ITCH: variants seen among roughly 807,000 people sequenced by gnomAD.
ITCH encodes E3 ubiquitin-protein ligase Itchy homolog.
ITCH carries 28 observed loss-of-function variants against 126.8 expected under a neutral mutation model. The ratio of observed to expected loss-of-function variants is 0.22; its 90% CI spans 0.16 to 0.30. The LOEUF (loss-of-function observed/expected upper bound fraction) is 0.30, where lower values mean the gene tolerates loss of function less well. Among genes scored for constraint, ITCH ranks in the 10% least tolerant of loss-of-function variants. The pLI is 1.00. For synonymous variants in ITCH, 342 were observed against 340.0 expected (o/e 1.01, Z -0.06); for missense variants, 631 against 1,032.4 (o/e 0.61, Z 5.33).
intron 7 of ITCH, among the ~76,000 whole-genome samples, chr20:34,425,797 A>G (rs926012058): frequency 1.3e-5 from 2 of 152,220 alleles, no homozygotes; most frequent in Non-Finnish European, 2.9e-5. Context: ...TCGCCAAGAT[A>G]GTAAAAATAG....
chr20:34,471,563 G>A, intron 16 of ITCH, 48 bp downstream of exon 16: 5 of 1,178,882 alleles, frequency 4.2e-6, no homozygotes, highest in Non-Finnish European at 6.4e-6. Flanking sequence ...GCTAGCTTAG[G>A]ACCCGCTTTT....
chr20:34,506,129 A>G lies in ITCH; in HGVS notation c.2490-1566A>G, dbSNP rs557692441. ...ACCCAGGCTGGAGTGCTGTAGCTCA[A>G]TCTCCACTCATGCACCCTCCACCTC... On this transcript the variant is annotated intron_variant, in intron 24 of 24. Transcript: ENST00000374864. Among the ~76,000 whole-genome samples, 10 of 152,002 alleles carry G rather than the reference A, an allele frequency of 6.6e-5. No homozygotes were observed. In the South Asian group the frequency reaches 1.9e-3, roughly 28 times the overall value.
rs113887133 is a variant in ITCH at position 34,444,039 on chromosome 20, CTG to C, written c.966-1245_966-1244del. ...TAATACATACCCTTCATAATCCTCTCTGTGAAATTTATCCTAAAGAAACAATT... is the reference window on the plus strand; with the variant it reads ...TAATACATACCCTTCATAATCCTCTCTGAAATTTATCCTAAAGAAACAATT... On this transcript the variant is annotated intron_variant, in intron 10 of 24. Transcript: ENST00000374864. Among the ~76,000 whole-genome samples, 107 of 152,224 alleles carry C rather than the reference CTG, an allele frequency of 7.0e-4. 1 individual carries two copies. Among genetic ancestry groups the C allele is most frequent in the Non-Finnish European group, 1.0e-4 (7 of 68,020 alleles).
At chr20:34,498,135 AGTTT>A (rs1021290947) in intron 23 of ITCH, among the ~76,000 whole-genome samples, 4 of 151,954 alleles carry the variant, frequency 2.6e-5, no homozygotes, top group African/African-American at 9.7e-5. Flanking sequence ...TTTTTCTTCT[AGTTT>A]GTTGTTTTAT....
At chr20:34,448,828 T>C (rs1005360875) in intron 11 of ITCH, among the ~76,000 whole-genome samples, 8 of 152,186 alleles carry the variant, frequency 5.3e-5, no homozygotes, top group African/African-American at 1.7e-4. Flanking sequence ...GCCAAATCTT[T>C]CTCTCCACCA....
rs1978622076 is a variant in ITCH at position 34,510,210 on chromosome 20, G to A, written c.*2416G>A. 1 of 152,514 alleles carries A rather than the reference G, an allele frequency of 6.6e-6. No homozygotes were observed. The highest frequency in any genetic ancestry group is 2.4e-5 in the African/African-American group (1 of 41,404). The allele number at this position is 152,514 out of a possible 1,614,324, so 9.4% of individuals were successfully genotyped here. ...CACATGTATATGTCTTCCCTGCTGTGTTAGGAAAATGGGGGCTGGATATCC... is the reference window on the plus strand; with the variant it reads ...CACATGTATATGTCTTCCCTGCTGTATTAGGAAAATGGGGGCTGGATATCC... On this transcript the variant is annotated 3_prime_UTR_variant, in exon 25 of 25. Transcript: ENST00000374864.
intron 16 of ITCH, among the ~76,000 whole-genome samples, chr20:34,474,140 A>G (rs528540165): frequency 9.8e-5 from 15 of 152,368 alleles, no homozygotes; most frequent in South Asian, 6.2e-4. Flanking sequence ...TTTTTGTAAT[A>G]TAACCAAAAT....
In ITCH at chr20:34,396,056, CAG is replaced by C. The variant is rs1445381998; in HGVS notation, c.70+2178_70+2179del. On this transcript the variant is annotated intron_variant, in intron 3 of 24. Coordinates refer to ENST00000374864, the MANE Select transcript of ITCH (RefSeq NM_031483.7). ...TATTATTTTTTTTTTTTTTTGGAGA[CAG>C]AGTTTTGCTTTGTTGCCTAGGTTGG... 2.1e-5 allele frequency among the ~76,000 whole-genome samples: 3 copies of C among 144,796 alleles called. No homozygotes were observed. The Admixed American group carries it at 2.1e-4, about 10-fold the overall frequency. 95.0% of individuals were successfully genotyped at this position (144,796 alleles called of 152,430 possible).
chr20:34,417,144 T>C (rs1979989721), intron 6 of ITCH: 1 of 682,830 alleles, frequency 1.5e-6, no homozygotes, highest in African/African-American at 1.8e-5. Context: ...TTGCCCAGGC[T>C]GGAGTGCAAT....
intron 6 of ITCH, among the ~76,000 whole-genome samples, chr20:34,423,021 C>T (rs1980995412): frequency 6.6e-6 from 1 of 152,198 alleles, no homozygotes; most frequent in Non-Finnish European, 1.5e-5. Flanking sequence ...TCTCAAGTTC[C>T]TGACCTCAGG....
chr20:34,413,324 C>T (rs909080370), intron 5 of ITCH, among the ~76,000 whole-genome samples: 4 of 152,010 alleles, frequency 2.6e-5, no homozygotes, highest in Non-Finnish European at 5.9e-5. Context: ...TTCTACCCCT[C>T]GACTATCTAA....
At chr20:34,426,653 ATTG>A (rs60887009) in intron 7 of ITCH, among the ~76,000 whole-genome samples, 67,631 of 151,496 alleles carry the variant, frequency 0.45, 15,611 homozygotes, top group Non-Finnish European at 0.5. Context: ...GTTTTGCCAT[ATTG>A]GCCAGGCTGG....
chr20:34,459,235 A>G (rs1462844223), intron 13 of ITCH, among the ~76,000 whole-genome samples: 1 of 152,186 alleles, frequency 6.6e-6, no homozygotes, highest in African/African-American at 2.4e-5. Context: ...CAGAAGGAAT[A>G]GGTGCACAGG....
In ITCH at chr20:34,506,372, T is replaced by A. The variant is rs142475998; in HGVS notation, c.2490-1323T>A. 7.2e-5 allele frequency among the ~76,000 whole-genome samples: 11 copies of A among 152,286 alleles called. No homozygotes were observed. The East Asian group carries it at 2.1e-3, about 29-fold the overall frequency. The stretch of plus-strand genomic sequence containing the variant: ...CATGCCAGACCTAAAACATTTTTCA[T>A]CTTGTAAAATTGAAATGGTACCCAT... On this transcript the variant is annotated intron_variant, in intron 24 of 24. Coordinates refer to ENST00000374864, the MANE Select transcript of ITCH (RefSeq NM_031483.7).
chr20:34,476,252 C>T (rs1378382900), intron 16 of ITCH: 1 of 812,502 alleles, frequency 1.2e-6, no homozygotes, highest in African/African-American at 1.7e-5. Context: ...GTTTCACCAT[C>T]ACAGTTTATA....
Position 34,489,365 on chromosome 20 carries a change from C to A in ITCH, c.2193C>A (p.Tyr731Ter). The change falls in exon 21 of 25, where the codon TAC becomes TAA. Residue 731 changes from tyrosine to a stop codon, truncating the protein, a stop_gained. Transcript: ENST00000374864. LOFTEE classifies it high-confidence loss of function. ...TTCTTCCCCAGCAATATTTGCAATA[C>A]TTTGATGCAAAGGAATTAGAGGTAA... ...NEILPQQYLQYFDAKELEVLL... is the reference protein window; with the variant it reads ...NEILPQQYLQ The A allele has an allele frequency of 3.1e-6, 5 of 1,612,946 alleles. No homozygotes were observed. The highest frequency in any genetic ancestry group is 4.2e-6 in the Non-Finnish European group (5 of 1,179,238).
chr20:34,437,629 T>C (rs1367843939), intron 7 of ITCH, among the ~76,000 whole-genome samples: 1 of 152,184 alleles, frequency 6.6e-6, no homozygotes, highest in Non-Finnish European at 1.5e-5. Context: ...ATCTATTAGA[T>C]TTTATTTTGT....
intron 11 of ITCH, 30 bp downstream of exon 11, chr20:34,445,491 A>G (rs778458297): frequency 6.2e-7 from 1 of 1,605,160 alleles, no homozygotes; most frequent in Admixed American, 1.7e-5. Context: ...ATAAACTAAT[A>G]AGAGTATTTT....
chr20:34,400,646 C>CTTTTTTTT (rs760416482), intron 3 of ITCH, among the ~76,000 whole-genome samples: 1 of 120,024 alleles, frequency 8.3e-6, no homozygotes, highest in Non-Finnish European at 1.7e-5. Flanking sequence ...AAAAATTTTT[C>CTTTTTTTT]TTTTTTTTTT....
Sources: gnomAD v4.1 joint callset for allele counts (sites outside exome capture counted in the v4.1 genomes callset) on GRCh38, gnomAD v4.1.1 for gene constraint, MANE v1.5 for transcripts, NCBI Gene and HGNC (gene_info 2026-07-23, HGNC 2026-07-21) for gene names.